Variants in GALNT17 observed in about 807,000 individuals in gnomAD.
The protein encoded by GALNT17 is polypeptide N-acetylgalactosaminyltransferase 17.
A neutral mutation model predicts 63.7 loss-of-function variants in GALNT17; 29 were observed. The observed-to-expected ratio is 0.46, with a 90% CI of 0.34 to 0.62. The LOEUF (loss-of-function observed/expected upper bound fraction) is 0.62. GALNT17 is among the 20% of genes least tolerant of loss of function. The pLI, the probability that GALNT17 is intolerant of heterozygous loss-of-function variation, is 0.01. For missense variants in GALNT17, 603 were observed against 799.6 expected, an observed-to-expected ratio of 0.75 and a Z score of 2.97; for synonymous variants, 305 against 318.3, an observed-to-expected ratio of 0.96 and a Z score of 0.45.
chr7:71,166,453 C>T (rs933139424), intron 1 of GALNT17, among the ~76,000 whole-genome samples: 1 of 152,184 alleles, frequency 6.6e-6, no homozygotes, highest in African/African-American at 2.4e-5. Context: ...AAGATAGTGA[C>T]GCATCCATCA....
chr7:71,592,608 T>TAAAATAAAATAAAATAAAATAAAA (rs1285616594), intron 6 of GALNT17, among the ~76,000 whole-genome samples: 1 of 56,860 alleles, frequency 1.8e-5, no homozygotes. Flanking sequence ...ATAAAATAAA[T>TAAAATAAAATAAAATAAAATAAAA]AAAGCATGCA....
intron 2 of GALNT17, among the ~76,000 whole-genome samples, chr7:71,360,239 T>A (rs1431197254): frequency 6.6e-6 from 1 of 152,232 alleles, no homozygotes; most frequent in Non-Finnish European, 1.5e-5. Context: ...TTATAAGGAC[T>A]TCTAGTGAAC....
intron 5 of GALNT17, among the ~76,000 whole-genome samples, chr7:71,554,544 TACAGGCCAGG>T (rs1789131293): frequency 1.3e-5 from 2 of 152,316 alleles, no homozygotes; most frequent in South Asian, 4.1e-4. Flanking sequence ...CAGGATTTCC[TACAGGCCAGG>T]AGCTGGCTGT....
chr7:71,559,008 C>A (rs1789210123), intron 5 of GALNT17, among the ~76,000 whole-genome samples: 1 of 152,006 alleles, frequency 6.6e-6, no homozygotes, highest in Non-Finnish European at 1.5e-5. Context: ...CCTTTCCAAT[C>A]TGAAGGAAGT....
intron 9 of GALNT17, among the ~76,000 whole-genome samples, chr7:71,709,854 C>T (rs758829354): frequency 2.0e-5 from 3 of 152,218 alleles, no homozygotes; most frequent in Non-Finnish European, 2.9e-5. Context: ...CTGCCTCAGC[C>T]TCCCAAAGTG....
chr7:71,500,268 T>G (rs1036953856), intron 5 of GALNT17, among the ~76,000 whole-genome samples: 3 of 152,200 alleles, frequency 2.0e-5, no homozygotes, highest in Admixed American at 1.3e-4. Context: ...TGTATGTTTG[T>G]GTCCTCCCAT....
intron 5 of GALNT17, among the ~76,000 whole-genome samples, chr7:71,563,228 G>A (rs181986929): frequency 2.6e-4 from 39 of 152,318 alleles, no homozygotes; most frequent in Non-Finnish European, 4.9e-4. Flanking sequence ...GGTCGTAATC[G>A]CAGTTGACTT....
chr7:71,673,241 G>A (rs1373593794), intron 8 of GALNT17, among the ~76,000 whole-genome samples: 1 of 152,080 alleles, frequency 6.6e-6, no homozygotes, highest in Non-Finnish European at 1.5e-5. Context: ...GAGTAAAATT[G>A]TTCAGCTCAG....
At chr7:71,632,705 G>T (rs1238686799) in intron 6 of GALNT17, among the ~76,000 whole-genome samples, 5 of 152,108 alleles carry the variant, frequency 3.3e-5, no homozygotes, top group Non-Finnish European at 7.4e-5. Flanking sequence ...CAGACCAGGG[G>T]GAGGATTGTG....
Position 71,421,153 on chromosome 7 carries a change from G to A in GALNT17, c.962+48G>A, listed in dbSNP as rs750545617. On this transcript the variant is annotated intron_variant, in intron 5 of 10. Transcript: ENST00000333538. Reference sequence around the variant, plus strand: ...CGGCCAACGAGCCCCCAAATTCAAGGGTAAAAAGGAGCTACTGAGAGAGGC... The same window carrying A: ...CGGCCAACGAGCCCCCAAATTCAAGAGTAAAAAGGAGCTACTGAGAGAGGC... 3.7e-6 allele frequency: 6 copies of A among 1,602,772 alleles called. No individual in the cohort carries two copies. The Admixed American group carries it at 1.0e-4, about 28-fold the overall frequency.
intron 5 of GALNT17, among the ~76,000 whole-genome samples, chr7:71,450,517 A>G (rs1787242495): frequency 6.6e-6 from 1 of 152,208 alleles, no homozygotes; most frequent in African/African-American, 2.4e-5. Flanking sequence ...AATGAAAAAG[A>G]CAGCCTTGGT....
At chr7:71,540,093 C>CTTTTTTTTTTTTTTTTTTT (rs71089954) in intron 5 of GALNT17, among the ~76,000 whole-genome samples, 1 of 33,524 alleles carries the variant, frequency 3.0e-5, no homozygotes, top group Non-Finnish European at 5.5e-5. Context: ...TGTGCCTGGC[C>CTTTTTTTTTTTTTTTTTTT]TTTTTTTTTT....
intron 2 of GALNT17, among the ~76,000 whole-genome samples, chr7:71,370,891 C>T (rs533539995): frequency 6.6e-6 from 1 of 151,800 alleles, no homozygotes; most frequent in Non-Finnish European, 1.5e-5. Context: ...CAGGCATGAA[C>T]CACTGTGCCT....
At chr7:71,552,651 A>T (rs944774429) in intron 5 of GALNT17, among the ~76,000 whole-genome samples, 1 of 152,062 alleles carries the variant, frequency 6.6e-6, no homozygotes, top group Non-Finnish European at 1.5e-5. Context: ...CATGTTGTCC[A>T]GGCTGGTCTC....
intron 5 of GALNT17, among the ~76,000 whole-genome samples, chr7:71,548,363 T>A (rs1306049656): frequency 6.6e-6 from 1 of 152,254 alleles, no homozygotes; most frequent in Non-Finnish European, 1.5e-5. Context: ...AATCTTTTTT[T>A]ATGCTTTCTT....
intron 5 of GALNT17, among the ~76,000 whole-genome samples, chr7:71,428,622 A>G (rs1432463173): frequency 1.3e-5 from 2 of 152,036 alleles, no homozygotes; most frequent in East Asian, 1.9e-4. Context: ...TATTTTTAGT[A>G]GAGACGAGGT....
intron 5 of GALNT17, among the ~76,000 whole-genome samples, chr7:71,434,135 C>A (rs1786916877): frequency 6.6e-6 from 1 of 152,194 alleles, no homozygotes; most frequent in Non-Finnish European, 1.5e-5. Flanking sequence ...GCACTGTCAA[C>A]TTCCCTACTT....
chr7:71,566,721 C>A (rs1789354356), intron 5 of GALNT17, among the ~76,000 whole-genome samples: 1 of 145,892 alleles, frequency 6.9e-6, no homozygotes, highest in African/African-American at 2.6e-5. Context: ...TAGCGTAGGT[C>A]ATCATCACCG....
At chr7:71,549,805 C>T (rs914674472) in intron 5 of GALNT17, among the ~76,000 whole-genome samples, 11 of 151,870 alleles carry the variant, frequency 7.2e-5, no homozygotes, top group Non-Finnish European at 1.3e-4. Flanking sequence ...TTTCATGGGT[C>T]TTCTGGGAAT....
Sources: gnomAD v4.1 joint callset for allele counts (sites outside exome capture counted in the v4.1 genomes callset) on GRCh38, gnomAD v4.1.1 for gene constraint, MANE v1.5 for transcripts, NCBI Gene and HGNC (gene_info 2026-07-23, HGNC 2026-07-21) for gene names.